EVI5L: variants seen among roughly 807,000 people sequenced by gnomAD.
EVI5L encodes the protein ecotropic viral integration site 5 like, also known as EVI5-like protein.
A neutral mutation model predicts 106.1 loss-of-function variants in EVI5L; 30 were observed. The ratio of observed to expected loss-of-function variants is 0.28; its 90% CI spans 0.21 to 0.38. The LOEUF (loss-of-function observed/expected upper bound fraction) is 0.38. Among genes scored for constraint, EVI5L ranks in the 10% least tolerant of loss-of-function variants. EVI5L has a pLI of 1.00. For missense variants in EVI5L, 809 were observed against 1,098.0 expected (o/e 0.74, Z 3.72); for synonymous variants, 489 against 483.3 (o/e 1.01, Z -0.15).
At position 7,848,832 on chromosome 19, in the gene EVI5L, T is replaced by A; in HGVS notation, c.328-89T>A. On this transcript the variant is annotated intron_variant, in intron 3 of 19. Transcript: ENST00000538904. The surrounding 1 kb of genome is among the most constrained non-coding windows in gnomAD (Gnocchi z 4.8). ...TTCTGTGCCATGCTTGAGGCCTGGA[T>A]GAGCCACGCCTGAGGAGCTGGGCTG... 1 of 1,273,914 alleles carries A rather than the reference T, an allele frequency of 7.8e-7. No individual in the cohort carries two copies. The highest frequency in any genetic ancestry group is 2.4e-5 in the East Asian group (1 of 40,912). 78.9% of individuals were successfully genotyped at this position (1,273,914 alleles called of 1,614,324 possible).
In EVI5L at chr19:7,856,653, C is replaced by T. The variant is rs905616580; in HGVS notation, c.1201-439C>T. ...TGGCCACAGGAAGTGGGTTGGCAGCCGGATTTGGTTGCCCTCACCCCAAAG... is the reference window on the plus strand; with the variant it reads ...TGGCCACAGGAAGTGGGTTGGCAGCTGGATTTGGTTGCCCTCACCCCAAAG... On this transcript the variant is annotated intron_variant, in intron 11 of 19. Coordinates refer to ENST00000538904, the MANE Select transcript of EVI5L (RefSeq NM_001159944.3). The surrounding 1 kb of genome is among the most constrained non-coding windows in gnomAD (Gnocchi z 6.6). Among the ~76,000 whole-genome samples, 1 of 152,048 alleles carries T rather than the reference C, an allele frequency of 6.6e-6. No individual in the cohort carries two copies. Among genetic ancestry groups the T allele is most frequent in the Non-Finnish European group, 1.5e-5 (1 of 68,000 alleles).
chr19:7,841,323 C>G (rs114253987), intron 1 of EVI5L, among the ~76,000 whole-genome samples: 1 of 151,962 alleles, frequency 6.6e-6, no homozygotes, highest in South Asian at 2.1e-4. Context: ...CAAGGAGGGA[C>G]CCAGGGAGGA....
rs1029758052 is a variant in EVI5L at position 7,835,777 on chromosome 19, C to T, written c.-48+5396C>T. 1.3e-5 allele frequency among the ~76,000 whole-genome samples: 2 copies of T among 152,144 alleles called. No individual in the cohort carries two copies. The highest frequency in any genetic ancestry group is 6.6e-5 in the Admixed American group (1 of 15,262). Reference sequence around the variant, plus strand: ...TTGTCCGCCCACACCTTGCCAAGGACGAGAGGACCTAAGGTGCTAGGTTGG... The same window carrying T: ...TTGTCCGCCCACACCTTGCCAAGGATGAGAGGACCTAAGGTGCTAGGTTGG... On this transcript the variant is annotated intron_variant, in intron 1 of 19. Coordinates refer to ENST00000538904, the MANE Select transcript of EVI5L (RefSeq NM_001159944.3). This position sits in a 1 kb window ranked among gnomAD's most constrained non-coding sequence, Gnocchi z 4.1.
At chr19:7,852,346 C>T (rs1292062906) in intron 8 of EVI5L, among the ~76,000 whole-genome samples, 1 of 152,186 alleles carries the variant, frequency 6.6e-6, no homozygotes, top group Non-Finnish European at 1.5e-5. Context: ...CATGGGCAGG[C>T]ATTGTCCACA....
Position 7,846,547 on chromosome 19 carries a change from C to A in EVI5L, c.5C>A (p.Ala2Glu), listed in dbSNP as rs765987593. Residue 2 changes from alanine (A) to glutamate (E), a missense_variant, in exon 2 of 20, where the codon GCG becomes GAG. By Grantham distance (107) the Ala-to-Glu change is moderately radical. Coordinates refer to ENST00000538904, the MANE Select transcript of EVI5L (RefSeq NM_001159944.3). Reference sequence around the variant, plus strand: ...CGGCTAACAAGCCCACCCACCATGGCGAGCCCCACTCTGAGCCCCGACTCC... The same window carrying A: ...CGGCTAACAAGCCCACCCACCATGGAGAGCCCCACTCTGAGCCCCGACTCC... M[A>E]SPTLSPDSSS... 8.7e-6 allele frequency: 14 copies of A among 1,608,278 alleles called. No homozygotes were observed. The highest frequency in any genetic ancestry group is 1.2e-5 in the Non-Finnish European group (14 of 1,178,012).
At chr19:7,861,336 T>C (rs1416924570) in intron 14 of EVI5L, among the ~76,000 whole-genome samples, 1 of 152,218 alleles carries the variant, frequency 6.6e-6, no homozygotes, top group Non-Finnish European at 1.5e-5. Flanking sequence ...GACATGCTGC[T>C]AGATCTGTCC....
In EVI5L at chr19:7,858,540, C is replaced by G. The variant is rs1004061896; in HGVS notation, c.1374+209C>G. 1 of 660,266 alleles carries G rather than the reference C, an allele frequency of 1.5e-6. No homozygotes were observed. The highest frequency in any genetic ancestry group is 2.5e-6 in the Non-Finnish European group (1 of 397,330). The allele number at this position is 660,266 out of a possible 1,614,324, so 40.9% of individuals were successfully genotyped here. ...ACATCCTGATATCCATTTCTTGCCA[C>G]CTCATAGTGTGTCTGCAGTATCTGA... On this transcript the variant is annotated intron_variant, in intron 13 of 19. Transcript: ENST00000538904. The surrounding 1 kb of genome is among the most constrained non-coding windows in gnomAD (Gnocchi z 5.7).
In EVI5L at chr19:7,849,987, TC is replaced by T. The variant is rs1275775269; in HGVS notation, c.628-4del. 1.3e-6 allele frequency: 2 copies of T among 1,573,804 alleles called. No individual in the cohort carries two copies. The highest frequency in any genetic ancestry group is 8.6e-7 in the Non-Finnish European group (1 of 1,156,906). ...TGCCCTGAGCCCCCCCACCTGCCCG[TC>T]CCCCCTAGATGCCTGAGGAGGAGGC... is the stretch of plus-strand genomic sequence containing the variant. On this transcript the variant is annotated splice_polypyrimidine_tract_variant and intron_variant, in intron 5 of 19. Transcript: ENST00000538904.
At position 7,848,970 on chromosome 19, in the gene EVI5L, A is replaced by G; in HGVS notation, c.377A>G (p.Gln126Arg). ...CACCACTTCCGGGCCATCGTGTGGC[A>G]GCTTCTGTGCAGCGCCACGGACATG... ...IPHHFRAIVW[Q>R]LLCSATDMPV... Residue 126 changes from glutamine to arginine, a missense_variant, in exon 4 of 20, where the codon CAG becomes CGG. Physicochemically the swap from Gln to Arg is conservative, Grantham distance 43. Around this residue, in one of 2 missense-constraint regions of EVI5L, gnomAD observed 357 missense variants for 588.1 expected, o/e 0.61. Coordinates refer to ENST00000538904, the MANE Select transcript of EVI5L (RefSeq NM_001159944.3). The surrounding 1 kb of genome is among the most constrained non-coding windows in gnomAD (Gnocchi z 4.8). 1 of 1,613,324 alleles carries G rather than the reference A, an allele frequency of 6.2e-7. No individual in the cohort carries two copies. The highest frequency in any genetic ancestry group is 8.5e-7 in the Non-Finnish European group (1 of 1,179,854).
intron 1 of EVI5L, among the ~76,000 whole-genome samples, chr19:7,844,946 C>T (rs933520453): frequency 1.3e-5 from 2 of 152,272 alleles, no homozygotes; most frequent in East Asian, 1.9e-4. Context: ...ACCTGTAGGC[C>T]CTCAGGGGTT....
intron 8 of EVI5L, 96 bp from the exon 9 acceptor site, chr19:7,852,990 C>A: frequency 8.2e-7 from 1 of 1,212,330 alleles, no homozygotes; most frequent in Non-Finnish European, 1.2e-6. Context: ...CCGGGCAGAC[C>A]CGTTCCTGCC....
Position 7,863,195 on chromosome 19 carries a change from G to T in EVI5L, c.2054G>T (p.Gly685Val), listed in dbSNP as rs866417710. 6.4e-7 allele frequency: 1 copy of T among 1,557,276 alleles called. No homozygotes were observed. The highest frequency in any genetic ancestry group is 8.7e-7 in the Non-Finnish European group (1 of 1,150,812). Residue 685 changes from glycine to valine, a missense_variant, in exon 19 of 20, where the codon GGC (glycine) becomes GTC (valine). Around this residue, in one of 2 missense-constraint regions of EVI5L, gnomAD observed 452 missense variants for 509.9 expected, o/e 0.89. Transcript: ENST00000538904. The surrounding 1 kb of genome is among the most constrained non-coding windows in gnomAD (Gnocchi z 7.7). ...TGGCGCACCCCGCAGAGGGAGGAAG[G>T]CCGCATCCAGGGCCAGCTGAACCAC... ...IAELEIQREE[G>V]RIQGQLNHSD...
intron 8 of EVI5L, 174 bp from the exon 9 acceptor site, chr19:7,852,912 C>A: frequency 1.6e-6 from 1 of 630,370 alleles, no homozygotes; most frequent in East Asian, 2.7e-5. Flanking sequence ...CCATTCCCTC[C>A]CCTCACGCTC....
At position 7,847,761 on chromosome 19, in the gene EVI5L, G is replaced by A. The variant is rs771585408; in HGVS notation, c.167G>A (p.Arg56His). The change falls in exon 3 of 20, where the codon CGC becomes CAC. Residue 56 changes from arginine (R) to histidine (H), a missense_variant. Physicochemically the swap from Arg to His is conservative, Grantham distance 29. This residue lies in a region of EVI5L where 357 missense variants were observed against 588.1 expected (regional missense o/e 0.61). Coordinates refer to ENST00000538904, the MANE Select transcript of EVI5L (RefSeq NM_001159944.3). ...CTGGAGGCCGACTCCAAGTCCATGC[G>A]CTCCATGAATGGCTCGCGGCGGAAC... ...RLLEADSKSM[R>H]SMNGSRRNSG... 1.2e-5 allele frequency: 19 copies of A among 1,613,304 alleles called. No individual in the cohort carries two copies. Among genetic ancestry groups the A allele is most frequent in the South Asian group, 1.1e-5 (1 of 91,020 alleles).
At position 7,856,186 on chromosome 19, in the gene EVI5L, C is replaced by A; in HGVS notation, c.1200+118C>A. On this transcript the variant is annotated intron_variant, in intron 11 of 19. Coordinates refer to ENST00000538904, the MANE Select transcript of EVI5L (RefSeq NM_001159944.3). The surrounding 1 kb of genome is among the most constrained non-coding windows in gnomAD (Gnocchi z 6.6). ...GTCTTCTCCTCTCTGGAGGACTAAGCAGCCCTACCTTCCTGCCCCAGGACC... is the reference window on the plus strand; with the variant it reads ...GTCTTCTCCTCTCTGGAGGACTAAGAAGCCCTACCTTCCTGCCCCAGGACC... 9.7e-7 allele frequency: 1 copy of A among 1,032,480 alleles called. No homozygotes were observed. Among genetic ancestry groups the A allele is most frequent in the Non-Finnish European group, 1.3e-6 (1 of 783,888 alleles). 64.0% of individuals were successfully genotyped at this position (1,032,480 alleles called of 1,614,324 possible).
At chr19:7,840,371 G>T (rs984699618) in intron 1 of EVI5L, among the ~76,000 whole-genome samples, 6 of 152,130 alleles carry the variant, frequency 3.9e-5, no homozygotes, top group African/African-American at 1.4e-4. Flanking sequence ...CCAGCTACTC[G>T]GGAGGCTGAG....
At chr19:7,843,331 T>C (rs1978758863) in intron 1 of EVI5L, among the ~76,000 whole-genome samples, 1 of 134,920 alleles carries the variant, frequency 7.4e-6, no homozygotes, top group African/African-American at 2.9e-5. Flanking sequence ...GTGTGTTGAG[T>C]GTGCATGTGT....
intron 1 of EVI5L, among the ~76,000 whole-genome samples, chr19:7,833,408 C>T (rs1048965183): frequency 2.6e-5 from 4 of 152,254 alleles, no homozygotes; most frequent in South Asian, 2.1e-4. Context: ...CCCCAAAACT[C>T]GGAGGAACCA....
intron 13 of EVI5L, 91 bp from the exon 14 acceptor site, chr19:7,860,470 T>C (rs1295073371): frequency 9.3e-6 from 11 of 1,180,594 alleles, no homozygotes; most frequent in Non-Finnish European, 1.3e-5. Flanking sequence ...GCTGAAGGGC[T>C]CTGGGGAGGC....
Sources: allele counts gnomAD v4.1 joint callset (sites outside exome capture counted in the v4.1 genomes callset), GRCh38; gene constraint gnomAD v4.1.1; regional missense constraint gnomAD v4.1.1; non-coding constraint Gnocchi (gnomAD v3.1); transcripts MANE v1.5; gene names NCBI Gene and HGNC (gene_info 2026-07-23, HGNC 2026-07-21).